Variants in AS3MT observed in about 807,000 individuals in gnomAD.
The protein encoded by AS3MT is S-adenosyl-L-methionine:arsenic(III) methyltransferase.
AS3MT carries 47 observed loss-of-function variants against 45.3 expected under a neutral mutation model. The ratio of observed to expected loss-of-function variants is 1.04; its 90% CI spans 0.82 to 1.32. The LOEUF (loss-of-function observed/expected upper bound fraction) is 1.32. Among genes scored for constraint, AS3MT ranks in the 40% most tolerant of loss-of-function variants. The probability of loss-of-function intolerance (pLI) is 0.00; values close to 1 mark genes in which losing one functional copy is unlikely to be tolerated. For synonymous variants in AS3MT, 141 were observed against 152.8 expected, an observed-to-expected ratio of 0.92 and a Z score of 0.57; for missense variants, 396 against 451.1, an observed-to-expected ratio of 0.88 and a Z score of 1.11.
chr10:102,874,188 G>T (rs1308030589), intron 5 of AS3MT, among the ~76,000 whole-genome samples: 1 of 152,024 alleles, frequency 6.6e-6, no homozygotes, highest in African/African-American at 2.4e-5. Flanking sequence ...GGGAGGCGGA[G>T]GTTGCAATGA....
chr10:102,891,750 C>G (rs1346350438), intron 10 of AS3MT, among the ~76,000 whole-genome samples: 9 of 151,906 alleles, frequency 5.9e-5, no homozygotes, highest in Admixed American at 5.9e-4. Flanking sequence ...GAGTTTGACA[C>G]CAGCCTGGGT....
Position 102,873,176 on chromosome 10 carries a change from G to T in AS3MT, c.401G>T (p.Gly134Val). The T allele has an allele frequency of 6.2e-7, 1 of 1,611,164 alleles. No individual in the cohort carries two copies. Among genetic ancestry groups the T allele is most frequent in the South Asian group, 1.1e-5 (1 of 90,200 alleles). The change falls in exon 5 of 11, where the codon GGC (glycine) becomes GTC (valine). Residue 134 changes from glycine (G) to valine (V), a missense_variant. Transcript: ENST00000369880. ...GCATCTAATGTGACTTTTATTCATG[G>T]CTACATTGAGAAGTTGGGAGAGGCT... ...FQASNVTFIH[G>V]YIEKLGEAGI...
At chr10:102,889,994 CTTTT>C (rs763044924) in intron 9 of AS3MT, among the ~76,000 whole-genome samples, 1 of 126,288 alleles carries the variant, frequency 7.9e-6, no homozygotes, top group Admixed American at 8.4e-5. Flanking sequence ...ATTTTCTTTT[CTTTT>C]TTTTTTTTTT....
intron 8 of AS3MT, 38 bp downstream of exon 8, chr10:102,878,548 A>G: frequency 1.9e-6 from 3 of 1,604,256 alleles, no homozygotes. Flanking sequence ...TTATAACTAC[A>G]GCTTGAATGA....
chr10:102,869,853 C>T lies in AS3MT; in HGVS notation c.42+8C>T. 6.2e-7 allele frequency: 1 copy of T among 1,613,816 alleles called. No individual in the cohort carries two copies. Among genetic ancestry groups the T allele is most frequent in the South Asian group, 1.1e-5 (1 of 91,090 alleles). ...ATACAGAAGGACGTGCAGGTGAGAG[C>T]TGTAGGGCCTGGAATGGCCCAAGTG... is the stretch of plus-strand genomic sequence containing the variant. On this transcript the variant is annotated splice_region_variant and intron_variant, in intron 2 of 10. Transcript: ENST00000369880.
intron 9 of AS3MT, among the ~76,000 whole-genome samples, chr10:102,886,582 T>C (rs570674458): frequency 6.6e-6 from 1 of 152,126 alleles, no homozygotes; most frequent in Admixed American, 6.6e-5. Flanking sequence ...CCTCCCAAAG[T>C]TCTGGGATTA....
intron 6 of AS3MT, among the ~76,000 whole-genome samples, chr10:102,875,749 A>G (rs957618378): frequency 2.6e-5 from 4 of 151,842 alleles, no homozygotes; most frequent in Admixed American, 6.6e-5. Context: ...CAGCCTCCCT[A>G]GTAGCTGGGA....
In AS3MT at chr10:102,878,454, G is replaced by T; in HGVS notation, c.686G>T (p.Arg229Leu). The T allele has an allele frequency of 6.2e-7, 1 of 1,614,004 alleles. No individual in the cohort carries two copies. The highest frequency in any genetic ancestry group is 8.5e-7 in the Non-Finnish European group (1 of 1,180,014). Reference protein sequence around the residue: ...LAQKIGFCPPRLVTANLITIQ... With the variant: ...LAQKIGFCPPLLVTANLITIQ... ...CAAAAAATTGGGTTCTGCCCTCCAC[G>T]TTTGGTCACTGCCAATCTCATTACA... Residue 229 changes from arginine to leucine, a missense_variant, in exon 8 of 11, where the codon CGT (arginine) becomes CTT (leucine). Physicochemically the swap from Arg to Leu is moderately radical, Grantham distance 102. Coordinates refer to ENST00000369880, the MANE Select transcript of AS3MT (RefSeq NM_020682.4).
chr10:102,890,699 C>T (rs746510245), intron 10 of AS3MT, 21 bp downstream of exon 10: 87 of 1,593,102 alleles, frequency 5.5e-5, no homozygotes, highest in Non-Finnish European at 6.9e-5. Flanking sequence ...CTTTCACTAC[C>T]TGAGAGAACT....
chr10:102,883,840 T>G (rs976769633), intron 9 of AS3MT, among the ~76,000 whole-genome samples: 1 of 152,116 alleles, frequency 6.6e-6, no homozygotes, highest in African/African-American at 2.4e-5. Context: ...TGGGATGTTT[T>G]GACATATGTA....
At position 102,874,576 on chromosome 10, in the gene AS3MT, A is replaced by T; in HGVS notation, c.459-16A>T. ...GTTGTGAAGATTTGCTCGACATTTC[A>T]TCTGTTCTCTTTTAGATCAAACTGT... On this transcript the variant is annotated splice_polypyrimidine_tract_variant and intron_variant, in intron 5 of 10. Coordinates refer to ENST00000369880, the MANE Select transcript of AS3MT (RefSeq NM_020682.4). 2.5e-6 allele frequency: 4 copies of T among 1,571,470 alleles called. No homozygotes were observed. The highest frequency in any genetic ancestry group is 4.6e-5 in the East Asian group (2 of 43,532).
At chr10:102,889,627 CCTTCCTTCCTTCCTTCCTTT>C (rs1459210393) in intron 9 of AS3MT, among the ~76,000 whole-genome samples, 8 of 145,884 alleles carry the variant, frequency 5.5e-5, no homozygotes, top group Non-Finnish European at 9.0e-5. Flanking sequence ...TTCCTTCCTT[CCTTCCTTCCTTCCTTCCTTT>C]CTTCCTTCCT....
intron 1 of AS3MT, 68 bp from the exon 2 acceptor site, chr10:102,869,737 C>G: frequency 4.3e-6 from 7 of 1,612,416 alleles, no homozygotes; most frequent in Non-Finnish European, 5.9e-6. Context: ...CTGCCCTTTA[C>G]TGGCCCCCTC....
At chr10:102,870,029 A>G in intron 2 of AS3MT, 55 bp from the exon 3 acceptor site, 2 of 1,577,422 alleles carry the variant, frequency 1.3e-6, no homozygotes, top group East Asian at 2.3e-5. Context: ...CTCGCGCTGC[A>G]GTCACAGCTC....
At chr10:102,874,538 C>A (rs1174418461) in intron 5 of AS3MT, 54 bp from the exon 6 acceptor site, 9 of 1,321,790 alleles carry the variant, frequency 6.8e-6, no homozygotes, top group Non-Finnish European at 9.6e-6. Flanking sequence ...AAAGGATTTG[C>A]AGATCTCTGA....
In AS3MT at chr10:102,890,638, A is replaced by C. The variant is rs1343799858; in HGVS notation, c.980A>C (p.Lys327Thr). 2.5e-6 allele frequency: 4 copies of C among 1,613,674 alleles called. No individual in the cohort carries two copies. In the South Asian group the frequency reaches 4.4e-5, roughly 18 times the overall value. The change falls in exon 10 of 11, where the codon AAG (lysine) becomes ACG (threonine). Residue 327 changes from lysine (K) to threonine (T), a missense_variant. Transcript: ENST00000369880. ...QDFLIRPIGE[K>T]LPTSGGCSAL... ...TTTCTGATCAGACCAATTGGAGAGA[A>C]GTTGCCAACATCTGGAGGCTGTTCT...
At chr10:102,892,289 G>T (rs1012708325) in intron 10 of AS3MT, among the ~76,000 whole-genome samples, 1 of 152,048 alleles carries the variant, frequency 6.6e-6, no homozygotes, top group Non-Finnish European at 1.5e-5. Context: ...AGAATCCCCC[G>T]TTTGGAATCC....
At position 102,883,539 on chromosome 10, in the gene AS3MT, C is replaced by T. The variant is rs533868979; in HGVS notation, c.885+4548C>T. 2.4e-4 allele frequency among the ~76,000 whole-genome samples: 37 copies of T among 151,986 alleles called. No homozygotes were observed. The South Asian group carries it at 7.3e-3, about 30-fold the overall frequency. On this transcript the variant is annotated intron_variant, in intron 9 of 10. Coordinates refer to ENST00000369880, the MANE Select transcript of AS3MT (RefSeq NM_020682.4). ...ACCAGCCTGATCAACATGATGAAACCCTGTCTCTACTAAAAATACAAAAAT... is the reference window on the plus strand; with the variant it reads ...ACCAGCCTGATCAACATGATGAAACTCTGTCTCTACTAAAAATACAAAAAT...
intron 3 of AS3MT, among the ~76,000 whole-genome samples, chr10:102,871,941 G>A (rs763216074): frequency 2.6e-5 from 4 of 151,890 alleles, no homozygotes; most frequent in Non-Finnish European, 5.9e-5. Flanking sequence ...GGAGTGCAGT[G>A]GCGCCATCTC....
Sources: gnomAD v4.1 joint callset for allele counts (sites outside exome capture counted in the v4.1 genomes callset) on GRCh38, gnomAD v4.1.1 for gene constraint, MANE v1.5 for transcripts, NCBI Gene and HGNC (gene_info 2026-07-23, HGNC 2026-07-21) for gene names.